Variants in PAMR1 observed in about 807,000 individuals in gnomAD.
PAMR1 encodes peptidase domain containing associated with muscle regeneration 1, also known as inactive serine protease PAMR1.
Under a neutral mutation model 81.8 loss-of-function variants are expected in PAMR1, and 88 were observed. That is an observed-to-expected ratio of 1.08 (90% confidence interval 0.91 to 1.28). The LOEUF (loss-of-function observed/expected upper bound fraction) is 1.28, where lower values mean the gene tolerates loss of function less well. Ranked by LOEUF, PAMR1 falls within the 50% of genes most tolerant of loss-of-function variation. The pLI is 0.00. For missense variants in PAMR1, 935 were observed against 919.7 expected (o/e 1.02, Z -0.21); for synonymous variants, 336 against 345.3 (o/e 0.97, Z 0.30).
intron 1 of PAMR1, among the ~76,000 whole-genome samples, chr11:35,507,445 A>G (rs1301630245): frequency 6.6e-6 from 1 of 152,126 alleles, no homozygotes; most frequent in Non-Finnish European, 1.5e-5. Context: ...TGTATTTCTC[A>G]GTTCCAAGAT....
In PAMR1 at chr11:35,441,618, A is replaced by G. The variant is rs919347870; in HGVS notation, c.896T>C (p.Leu299Pro). ...GYQKITGGPG[L>P]INGRHAKIGT... ...AATTTTAGCATGGCGTCCGTTGATAAGCCCAGGGCCCCCTGTTATTTTCTG... is the reference window on the plus strand; with the variant it reads ...AATTTTAGCATGGCGTCCGTTGATAGGCCCAGGGCCCCCTGTTATTTTCTG... Residue 299 changes from leucine (L) to proline (P), a missense_variant, in exon 7 of 11, where the codon CTT becomes CCT. Transcript: ENST00000619888. 1 of 1,614,056 alleles carries G rather than the reference A, an allele frequency of 6.2e-7. No individual in the cohort carries two copies. The highest frequency in any genetic ancestry group is 8.5e-7 in the Non-Finnish European group (1 of 1,179,922).
chr11:35,492,752 G>T (rs1850654435), intron 2 of PAMR1, among the ~76,000 whole-genome samples: 1 of 152,104 alleles, frequency 6.6e-6, no homozygotes, highest in South Asian at 2.1e-4. Context: ...CTAACAATAG[G>T]CTCACCGTGG....
chr11:35,508,785 A>T (rs772098397), intron 1 of PAMR1, among the ~76,000 whole-genome samples: 3 of 152,066 alleles, frequency 2.0e-5, no homozygotes, highest in African/African-American at 7.2e-5. Context: ...CCCACTTATA[A>T]GTGAGAACAT....
In PAMR1 at chr11:35,432,768, C is replaced by T. The variant is rs780147873; in HGVS notation, c.1751G>A (p.Ser584Asn). 2 of 1,613,268 alleles carry T rather than the reference C, an allele frequency of 1.2e-6. No individual in the cohort carries two copies. The highest frequency in any genetic ancestry group is 1.7e-6 in the Non-Finnish European group (2 of 1,180,050). The change falls in exon 11 of 11, where the codon AGT (serine) becomes AAT (asparagine). Residue 584 changes from serine (S) to asparagine (N), a missense_variant. Ser to Asn is a conservative substitution (Grantham distance 46). Transcript: ENST00000619888. ...CTGGAAGGAAGTGCTGAGATCCCGACTGGCAGCGAGGCAGATGGGCTGGAC... is the reference window on the plus strand; with the variant it reads ...CTGGAAGGAAGTGCTGAGATCCCGATTGGCAGCGAGGCAGATGGGCTGGAC... ...TRVQPICLAASRDLSTSFQES... is the reference protein window; with the variant it reads ...TRVQPICLAANRDLSTSFQES...
At chr11:35,459,183 T>C (rs1856599084) in intron 6 of PAMR1, among the ~76,000 whole-genome samples, 1 of 152,216 alleles carries the variant, frequency 6.6e-6, no homozygotes. Flanking sequence ...GTATTGTCCT[T>C]GGGCATGGTA....
chr11:35,434,285 G>C (rs1472249645), intron 10 of PAMR1, among the ~76,000 whole-genome samples: 2 of 151,830 alleles, frequency 1.3e-5, no homozygotes, highest in Non-Finnish European at 2.9e-5. Context: ...AGATGCCTTT[G>C]CCTCTATCTT....
chr11:35,470,234 T>A (rs1856828357), intron 5 of PAMR1, among the ~76,000 whole-genome samples: 1 of 152,186 alleles, frequency 6.6e-6, no homozygotes, highest in Admixed American at 6.5e-5. Flanking sequence ...TAGCTTGATC[T>A]GTCAGGGATT....
rs192632882 is a variant in PAMR1 at position 35,523,873 on chromosome 11, A to G, written c.73+1640T>C. Reference sequence around the variant, plus strand: ...TGAAGCTTTTTCACAGCCAAAGGTAAAAGAGGTTCTCGGGTCAGAAATAAA... The same window carrying G: ...TGAAGCTTTTTCACAGCCAAAGGTAGAAGAGGTTCTCGGGTCAGAAATAAA... On this transcript the variant is annotated intron_variant, in intron 1 of 10. Coordinates refer to ENST00000619888, the MANE Select transcript of PAMR1 (RefSeq NM_001001991.3). 1.6e-3 allele frequency among the ~76,000 whole-genome samples: 250 copies of G among 152,358 alleles called. 1 individual carries two copies. Among genetic ancestry groups the G allele is most frequent in the Non-Finnish European group, 2.8e-3 (193 of 68,038 alleles).
intron 5 of PAMR1, 49 bp downstream of exon 5, chr11:35,470,552 T>G (rs773568853): frequency 2.2e-6 from 3 of 1,371,152 alleles, no homozygotes; most frequent in East Asian, 4.6e-5. Context: ...AAGGAGATAT[T>G]TATCTGGAGC....
At chr11:35,504,699 C>T (rs904339877) in intron 1 of PAMR1, among the ~76,000 whole-genome samples, 4 of 151,882 alleles carry the variant, frequency 2.6e-5, no homozygotes, top group African/African-American at 9.7e-5. Context: ...TAATAATTCT[C>T]TGTGTTTCTG....
rs538467452 is a variant in PAMR1, at chr11:35,456,329, C to T, written c.820+11672G>A. ...GCCAACCCCAGAAGTTGACTGTAGTCGGATTGTAGCAAAGATTTCATCAGG... is the reference window on the plus strand; with the variant it reads ...GCCAACCCCAGAAGTTGACTGTAGTTGGATTGTAGCAAAGATTTCATCAGG... On this transcript the variant is annotated intron_variant, in intron 6 of 10. Coordinates refer to ENST00000619888, the MANE Select transcript of PAMR1 (RefSeq NM_001001991.3). Among the ~76,000 whole-genome samples the T allele has an allele frequency of 1.3e-3, 193 of 152,194 alleles. 1 individual carries two copies. The highest frequency in any genetic ancestry group is 4.0e-3 in the African/African-American group (168 of 41,542).
At position 35,434,598 on chromosome 11, in the gene PAMR1, T is replaced by C. The variant is rs550753385; in HGVS notation, c.1540A>G (p.Met514Val). ...HCVTDLGKVT[M>V]IKTADLKVVL... ...ACTTTCAGGTCTGCTGTCTTGATCA[T>C]GGTGACCTTCCCCAGGTCAGTAACA... Residue 514 changes from methionine to valine, a missense_variant, in exon 10 of 11, where the codon ATG becomes GTG. Physicochemically the swap from Met to Val is conservative, Grantham distance 21. Transcript: ENST00000619888. The C allele has an allele frequency of 3.7e-5, 59 of 1,614,108 alleles. No individual in the cohort carries two copies. In the South Asian group the frequency reaches 4.9e-4, roughly 14 times the overall value.
At chr11:35,495,207 G>A (rs759193102) in intron 1 of PAMR1, among the ~76,000 whole-genome samples, 46 of 152,096 alleles carry the variant, frequency 3.0e-4, no homozygotes, top group Non-Finnish European at 4.7e-4. Context: ...TACCTTCAAA[G>A]CGAAAACCAA....
intron 1 of PAMR1, among the ~76,000 whole-genome samples, chr11:35,509,749 A>G (rs989403067): frequency 2.6e-5 from 4 of 152,204 alleles, no homozygotes; most frequent in East Asian, 1.9e-4. Flanking sequence ...CTGGGAGAAA[A>G]GAGGGGTTCA....
At chr11:35,505,736 T>A (rs1850937348) in intron 1 of PAMR1, among the ~76,000 whole-genome samples, 1 of 152,182 alleles carries the variant, frequency 6.6e-6, no homozygotes, top group Non-Finnish European at 1.5e-5. Flanking sequence ...ACATTCAGTC[T>A]GTATCTGTAT....
Position 35,432,475 on chromosome 11 carries a change from G to A in PAMR1, c.2044C>T (p.Arg682Cys), listed in dbSNP as rs773399805. ...CTGACCAGTCCCATCAGATGCCAGC[G>A]TGGCTCAGGAGATGCTCGTCCCGGG... ...SFPGRASPEPRWHLMGLVSWS... is the reference protein window; with the variant it reads ...SFPGRASPEPCWHLMGLVSWS... Residue 682 changes from arginine (R) to cysteine (C), a missense_variant, in exon 11 of 11, where the codon CGC (arginine) becomes TGC (cysteine). Arg to Cys is a radical substitution (Grantham distance 180). Transcript: ENST00000619888. The A allele has an allele frequency of 2.0e-5, 33 of 1,614,124 alleles. No individual in the cohort carries two copies. The highest frequency in any genetic ancestry group is 4.0e-5 in the African/African-American group (3 of 74,954).
intron 1 of PAMR1, among the ~76,000 whole-genome samples, chr11:35,524,391 G>A (rs183762847): frequency 8.5e-5 from 13 of 152,226 alleles, no homozygotes; most frequent in East Asian, 5.8e-4. Flanking sequence ...TCAGCTTTTC[G>A]TTGATCATGA....
chr11:35,501,809 C>T (rs1850849941), intron 1 of PAMR1, among the ~76,000 whole-genome samples: 1 of 152,104 alleles, frequency 6.6e-6, no homozygotes, highest in African/African-American at 2.4e-5. Flanking sequence ...ATATAGGCAC[C>T]ACATTTTCTT....
chr11:35,476,234 T>C (rs1850282757), intron 3 of PAMR1, among the ~76,000 whole-genome samples: 1 of 152,184 alleles, frequency 6.6e-6, no homozygotes, highest in Admixed American at 6.5e-5. Context: ...AGCCCCAGCC[T>C]CCATCATCTC....
Sources: gnomAD v4.1 joint callset for allele counts (sites outside exome capture counted in the v4.1 genomes callset) on GRCh38, gnomAD v4.1.1 for gene constraint, MANE v1.5 for transcripts, NCBI Gene and HGNC (gene_info 2026-07-23, HGNC 2026-07-21) for gene names.